Variants in SCIN observed in about 807,000 individuals in gnomAD.
SCIN encodes the protein scinderin.
A neutral mutation model predicts 91.8 loss-of-function variants in SCIN; 91 were observed. The observed-to-expected ratio is 0.99, with a 90% confidence interval of 0.84 to 1.18. SCIN has a LOEUF of 1.18. Among genes scored for constraint, SCIN ranks in the 50% most tolerant of loss-of-function variants. The probability of loss-of-function intolerance (pLI) is 0.00; values close to 1 mark genes in which losing one functional copy is unlikely to be tolerated. For missense variants in SCIN, 1,087 were observed against 863.9 expected, an observed-to-expected ratio of 1.26 and a Z score of -3.24; for synonymous variants, 367 against 312.6, an observed-to-expected ratio of 1.17 and a Z score of -1.84.
chr7:12,644,341 TA>T, intron 12 of SCIN, 26 bp downstream of exon 12: 1 of 1,556,970 alleles, frequency 6.4e-7, no homozygotes, highest in Non-Finnish European at 8.7e-7. Context: ...CCAAGGGCAC[TA>T]ACTAGAATTT....
chr7:12,627,657 A>C (rs1783555704), intron 8 of SCIN, among the ~76,000 whole-genome samples: 1 of 152,142 alleles, frequency 6.6e-6, no homozygotes, highest in Admixed American at 6.6e-5. Context: ...TGGGTGTTGG[A>C]GAGTGGGAAG....
chr7:12,592,197 T>G (rs149948342), intron 3 of SCIN, among the ~76,000 whole-genome samples: 5 of 151,986 alleles, frequency 3.3e-5, no homozygotes, highest in Non-Finnish European at 7.4e-5. Context: ...TTCAGGTCAA[T>G]TGCAGTGTAG....
Position 12,571,029 on chromosome 7 carries a change from C to A in SCIN, c.199+44C>A, listed in dbSNP as rs749982164. The A allele has an allele frequency of 2.0e-5, 30 of 1,522,306 alleles. No homozygotes were observed. The South Asian group carries it at 3.5e-4, about 18-fold the overall frequency. 94.3% of individuals were successfully genotyped at this position (1,522,306 alleles called of 1,614,324 possible). A position where few individuals can be genotyped will look rare whatever the true frequency, so the allele number is the denominator to read the frequency against. ...CGGGACCCCGACGCACCAAGGCCGG[C>A]GAGGGGAGGGCGTAGGGGTCTGAGA... On this transcript the variant is annotated intron_variant, in intron 1 of 15. Coordinates refer to ENST00000297029, the MANE Select transcript of SCIN (RefSeq NM_001112706.3).
At chr7:12,615,888 C>T (rs1405675025) in intron 4 of SCIN, among the ~76,000 whole-genome samples, 1 of 152,048 alleles carries the variant, frequency 6.6e-6, no homozygotes, top group Non-Finnish European at 1.5e-5. Context: ...TGAAACAAAA[C>T]TTGGCCAGAT....
intron 3 of SCIN, among the ~76,000 whole-genome samples, chr7:12,587,155 T>A (rs1359402026): frequency 6.6e-6 from 1 of 152,214 alleles, no homozygotes; most frequent in East Asian, 1.9e-4. Flanking sequence ...GATTTGATCA[T>A]TACACACTTT....
intron 4 of SCIN, among the ~76,000 whole-genome samples, chr7:12,606,898 C>T (rs1251366875): frequency 6.6e-6 from 1 of 152,120 alleles, no homozygotes; most frequent in Non-Finnish European, 1.5e-5. Flanking sequence ...GTATTCAAAA[C>T]AAATTCTTGA....
intron 9 of SCIN, among the ~76,000 whole-genome samples, chr7:12,629,767 T>C (rs1356991137): frequency 2.0e-5 from 3 of 152,122 alleles, no homozygotes; most frequent in Non-Finnish European, 4.4e-5. Context: ...TTAATTGAAG[T>C]CTAAATTTGC....
intron 13 of SCIN, among the ~76,000 whole-genome samples, chr7:12,648,297 T>C (rs1425531587): frequency 6.1e-5 from 9 of 147,074 alleles, no homozygotes; most frequent in African/African-American, 1.0e-4. Context: ...CTCTCTCTCT[T>C]TTTTTTTTTT....
Position 12,652,835 on chromosome 7 carries a change from G to C in SCIN, c.*120G>C. On this transcript the variant is annotated 3_prime_UTR_variant, in exon 16 of 16. Transcript: ENST00000297029. ...TTTGAAAATTAAGGCTGGGCGCGGT[G>C]GCTCACACCTGTAATCCCAGCACTT... 8.0e-7 allele frequency: 1 copy of C among 1,243,696 alleles called. No individual in the cohort carries two copies. The highest frequency in any genetic ancestry group is 1.1e-6 in the Non-Finnish European group (1 of 898,896). The allele number at this position is 1,243,696 out of a possible 1,614,324, so 77.0% of individuals were successfully genotyped here. A position where few individuals can be genotyped will look rare whatever the true frequency, so the allele number is the denominator to read the frequency against.
At chr7:12,644,483 C>G (rs1783918949) in intron 12 of SCIN, 101 bp from the exon 13 acceptor site, 1 of 1,506,240 alleles carries the variant, frequency 6.6e-7, no homozygotes, top group East Asian at 2.4e-5. Flanking sequence ...TAAGTAATTT[C>G]TCAACACTGA....
intron 3 of SCIN, among the ~76,000 whole-genome samples, chr7:12,585,927 T>C (rs951895253): frequency 6.6e-6 from 1 of 152,236 alleles, no homozygotes; most frequent in African/African-American, 2.4e-5. Flanking sequence ...ACGTCAGATA[T>C]TGTCTTCTTC....
In SCIN at chr7:12,629,119, A is replaced by G; in HGVS notation, c.1216A>G (p.Asn406Asp). The change falls in exon 9 of 16, where the codon AAT becomes GAT. Residue 406 changes from asparagine (N) to aspartate (D), a missense_variant. Asn to Asp is a conservative substitution (Grantham distance 23). Transcript: ENST00000297029. ...GKVEIWRVEN[N>D]GRIQVDQNSY... Reference sequence around the variant, plus strand: ...CTTCCAGATTTGGCGTGTAGAAAACAATGGTAGGATCCAAGTTGACCAAAA... The same window carrying G: ...CTTCCAGATTTGGCGTGTAGAAAACGATGGTAGGATCCAAGTTGACCAAAA... 6.2e-7 allele frequency: 1 copy of G among 1,612,774 alleles called. No homozygotes were observed. Among genetic ancestry groups the G allele is most frequent in the Non-Finnish European group, 8.5e-7 (1 of 1,179,210 alleles).
At chr7:12,614,472 T>C (rs1783259705) in intron 4 of SCIN, among the ~76,000 whole-genome samples, 1 of 152,178 alleles carries the variant, frequency 6.6e-6, no homozygotes, top group South Asian at 2.1e-4. Context: ...ATTCCCTGTC[T>C]ATGTTGTGTT....
chr7:12,640,134 C>T (rs766387653), intron 10 of SCIN, among the ~76,000 whole-genome samples: 5 of 152,166 alleles, frequency 3.3e-5, no homozygotes, highest in Non-Finnish European at 4.4e-5. Context: ...TACTCATGGA[C>T]ACCGTGCCTG....
chr7:12,600,169 C>T (rs1194426568), intron 3 of SCIN, among the ~76,000 whole-genome samples: 3 of 152,104 alleles, frequency 2.0e-5, no homozygotes, highest in Non-Finnish European at 4.4e-5. Flanking sequence ...TCTACTCAGC[C>T]ATAAAGAGGA....
intron 3 of SCIN, among the ~76,000 whole-genome samples, chr7:12,582,463 A>C (rs1227103805): frequency 6.6e-6 from 1 of 152,212 alleles, no homozygotes; most frequent in Non-Finnish European, 1.5e-5. Context: ...GCGTGCATCT[A>C]TAGTTTTATT....
At chr7:12,632,693 A>G (rs1240981307) in intron 9 of SCIN, among the ~76,000 whole-genome samples, 1 of 152,162 alleles carries the variant, frequency 6.6e-6, no homozygotes, top group African/African-American at 2.4e-5. Flanking sequence ...CTGAGCATAA[A>G]TGGGTAGTGT....
intron 3 of SCIN, among the ~76,000 whole-genome samples, chr7:12,601,808 A>G (rs1455516210): frequency 6.6e-6 from 1 of 152,204 alleles, no homozygotes; most frequent in Non-Finnish European, 1.5e-5. Context: ...ATGTAATTAT[A>G]TTATTCTATG....
chr7:12,581,244 G>T, intron 3 of SCIN, 23 bp downstream of exon 3: 2 of 1,544,450 alleles, frequency 1.3e-6, no homozygotes, highest in South Asian at 1.2e-5. Context: ...TATACACATC[G>T]ATGTCTAAAG....
Sources: allele counts gnomAD v4.1 joint callset (sites outside exome capture counted in the v4.1 genomes callset), GRCh38; gene constraint gnomAD v4.1.1; transcripts MANE v1.5; gene names NCBI Gene and HGNC (gene_info 2026-07-23, HGNC 2026-07-21).